Variants in HMGCS1 observed in about 807,000 individuals in gnomAD.
HMGCS1 encodes 3-hydroxy-3-methylglutaryl-CoA synthase 1.
A neutral mutation model predicts 52.3 loss-of-function variants in HMGCS1; 9 were observed. The ratio of observed to expected loss-of-function variants is 0.17; its 90% CI spans 0.10 to 0.30. The LOEUF (loss-of-function observed/expected upper bound fraction) is 0.30. HMGCS1 is among the 10% of genes least tolerant of loss of function. The pLI is 1.00. For synonymous variants in HMGCS1, 176 were observed against 214.4 expected, an observed-to-expected ratio of 0.82 and a Z score of 1.57; for missense variants, 320 against 620.9, an observed-to-expected ratio of 0.52 and a Z score of 5.15.
At chr5:43,294,645 T>C (rs1208863235) in intron 7 of HMGCS1, 46 bp downstream of exon 7, 1 of 1,403,080 alleles carries the variant, frequency 7.1e-7, no homozygotes, top group East Asian at 2.4e-5. Context: ...AAATCTAACA[T>C]CTCCCAAATA....
At chr5:43,310,215 C>T (rs1754792337) in intron 1 of HMGCS1, among the ~76,000 whole-genome samples, 1 of 152,208 alleles carries the variant, frequency 6.6e-6, no homozygotes, top group African/African-American at 2.4e-5. Flanking sequence ...ACATCCCTGC[C>T]TCCTCCCAGA....
intron 4 of HMGCS1, 27 bp from the exon 5 acceptor site, chr5:43,297,193 T>A: frequency 6.3e-7 from 1 of 1,584,716 alleles, no homozygotes; most frequent in Non-Finnish European, 8.6e-7. Context: ...GGAAGATGTC[T>A]ATATATTTCT....
At chr5:43,307,067 ATTTTT>A (rs59297862) in intron 2 of HMGCS1, among the ~76,000 whole-genome samples, 1 of 123,692 alleles carries the variant, frequency 8.1e-6, no homozygotes. Flanking sequence ...TTCTCACATA[ATTTTT>A]TTTTTTTTTT....
chr5:43,306,969 G>A (rs1310011158), intron 2 of HMGCS1, among the ~76,000 whole-genome samples: 2 of 151,750 alleles, frequency 1.3e-5, no homozygotes, highest in Non-Finnish European at 2.9e-5. Flanking sequence ...AAGCAGAATT[G>A]TAAGAGAAGC....
At chr5:43,300,563 G>A (rs1754262239) in intron 2 of HMGCS1, among the ~76,000 whole-genome samples, 1 of 152,100 alleles carries the variant, frequency 6.6e-6, no homozygotes, top group Non-Finnish European at 1.5e-5. Flanking sequence ...GCTGAGGCAG[G>A]AGGATCACTT....
intron 2 of HMGCS1, 41 bp from the exon 3 acceptor site, chr5:43,299,016 T>A (rs766774320): frequency 1.4e-6 from 2 of 1,451,268 alleles, no homozygotes; most frequent in Admixed American, 2.2e-5. Flanking sequence ...TTTTAGGTTA[T>A]AAGTTGCTGG....
rs934372362 is a variant in HMGCS1, at chr5:43,298,372, CAG to C, written c.448+144_448+145del. 1.5e-6 allele frequency: 1 copy of C among 685,118 alleles called. No homozygotes were observed. Among genetic ancestry groups the C allele is most frequent in the African/African-American group, 1.8e-5 (1 of 55,300 alleles). 42.4% of individuals were successfully genotyped at this position (685,118 alleles called of 1,614,324 possible). ...AACCAATTCACAATTCGGATAATGA[CAG>C]ACAGGTAAAATATCTTTCTTAATAT... On this transcript the variant is annotated intron_variant, in intron 3 of 10. Coordinates refer to ENST00000325110, the MANE Select transcript of HMGCS1 (RefSeq NM_001098272.3). The surrounding 1 kb of genome is among the most constrained non-coding windows in gnomAD (Gnocchi z 5.6).
intron 6 of HMGCS1, 29 bp from the exon 7 acceptor site, chr5:43,294,890 TGTTTAAA>T (rs778345913): frequency 2.7e-6 from 4 of 1,473,736 alleles, no homozygotes; most frequent in Non-Finnish European, 3.7e-6. Flanking sequence ...AGTTTTACAG[TGTTTAAA>T]GCCTATGTTT....
In HMGCS1 at chr5:43,294,809, T is replaced by C; in HGVS notation, c.958A>G (p.Met320Val). 2 of 1,611,814 alleles carry C rather than the reference T, an allele frequency of 1.2e-6. No individual in the cohort carries two copies. Among genetic ancestry groups the C allele is most frequent in the African/African-American group, 2.7e-5 (2 of 75,004 alleles). The stretch of plus-strand genomic sequence containing the variant: ...CTGAAGAGTTCAGAGCTAGCCTTCA[T>C]AAATGCCTTCTCCACATCTCTATCA... ...YFDRDVEKAF[M>V]KASSELFSQK... The change falls in exon 7 of 11, where the codon ATG (methionine) becomes GTG (valine). Residue 320 changes from methionine to valine, a missense_variant. Met to Val is a conservative substitution (Grantham distance 21, BLOSUM62 1). This residue lies in a region of HMGCS1 where 213 missense variants were observed against 337.4 expected (regional missense o/e 0.63). Coordinates refer to ENST00000325110, the MANE Select transcript of HMGCS1 (RefSeq NM_001098272.3).
rs368616120 is a variant in HMGCS1 at position 43,298,514 on chromosome 5, A to G, written c.448+4T>C. The G allele has an allele frequency of 6.2e-7, 1 of 1,608,476 alleles. No homozygotes were observed. The highest frequency in any genetic ancestry group is 8.5e-7 in the Non-Finnish European group (1 of 1,175,734). On this transcript the variant is annotated splice_donor_region_variant and intron_variant, in intron 3 of 10. Coordinates refer to ENST00000325110, the MANE Select transcript of HMGCS1 (RefSeq NM_001098272.3). The surrounding 1 kb of genome is among the most constrained non-coding windows in gnomAD (Gnocchi z 5.6). The stretch of plus-strand genomic sequence containing the variant: ...GGACGGCGGGGAATAGGCATGTAAC[A>G]TACCATCCCAAGAGCTGGACTCAAT...
At chr5:43,310,945 C>A (rs977028198) in intron 1 of HMGCS1, among the ~76,000 whole-genome samples, 1 of 152,166 alleles carries the variant, frequency 6.6e-6, no homozygotes, top group Non-Finnish European at 1.5e-5. Context: ...CAAAGATTAG[C>A]CTCTCCGCTA....
At chr5:43,292,428 G>C in intron 10 of HMGCS1, 46 bp downstream of exon 10, 1 of 1,507,700 alleles carries the variant, frequency 6.6e-7, no homozygotes, top group Non-Finnish European at 9.2e-7. Flanking sequence ...ATCCCAGTTA[G>C]GTCTCCTAAA....
At chr5:43,293,167 T>C (rs1054243306) in intron 8 of HMGCS1, among the ~76,000 whole-genome samples, 194 bp from the exon 9 acceptor site, 1 of 152,224 alleles carries the variant, frequency 6.6e-6, no homozygotes, top group Non-Finnish European at 1.5e-5. Context: ...AAATCTATTA[T>C]TGAGTATCTG....
rs1443924348 is a variant in HMGCS1, at chr5:43,292,756, G to A, written c.1309+92C>T. 1.3e-5 allele frequency: 19 copies of A among 1,517,044 alleles called. No homozygotes were observed. In the African/African-American group the frequency reaches 2.5e-4, roughly 20 times the overall value. The allele number at this position is 1,517,044 out of a possible 1,614,324, so 94.0% of individuals were successfully genotyped here. ...TTCACTGACATCAGATTAGTACTGAGTAAAGTCTTGATATCCTTATCGTAT... is the reference window on the plus strand; with the variant it reads ...TTCACTGACATCAGATTAGTACTGAATAAAGTCTTGATATCCTTATCGTAT... On this transcript the variant is annotated intron_variant, in intron 9 of 10. Transcript: ENST00000325110.
rs1579635363 is a variant in HMGCS1, at chr5:43,292,972, C to G, written c.1185G>C (p.Gly395=). Reference sequence around the variant, plus strand: ...TTGCTGTTATTTTATCAAGAGCAGACCCTAAAATAGTGAATAATTCAACAT... The same window carrying G: ...TTGCTGTTATTTTATCAAGAGCAGAGCCTAAAATAGTGAATAATTCAACAT... ...SLKVTQDATP[G]SALDKITASL... is the part of the protein sequence containing the mutation. Residue 395 remains glycine, a splice_region_variant and synonymous_variant, in exon 9 of 11, where the codon GGG becomes GGC. Coordinates refer to ENST00000325110, the MANE Select transcript of HMGCS1 (RefSeq NM_001098272.3). 6.3e-7 allele frequency: 1 copy of G among 1,584,674 alleles called. No individual in the cohort carries two copies. Among genetic ancestry groups the G allele is most frequent in the Non-Finnish European group, 8.5e-7 (1 of 1,170,492 alleles).
Position 43,298,425 on chromosome 5 carries a change from G to T in HMGCS1, c.448+93C>A. ...ATCCAAACAAGGACAAATTACAAAA[G>T]TTTGCGTATTGCATTAATTAAAGTG... On this transcript the variant is annotated intron_variant, in intron 3 of 10. Coordinates refer to ENST00000325110, the MANE Select transcript of HMGCS1 (RefSeq NM_001098272.3). This position sits in a 1 kb window ranked among gnomAD's most constrained non-coding sequence, Gnocchi z 5.6. 2.2e-6 allele frequency: 2 copies of T among 895,144 alleles called. No individual in the cohort carries two copies. Among genetic ancestry groups the T allele is most frequent in the Non-Finnish European group, 3.5e-6 (2 of 575,856 alleles). The allele number at this position is 895,144 out of a possible 1,614,324, so 55.5% of individuals were successfully genotyped here. A position where few individuals can be genotyped will look rare whatever the true frequency, so the allele number is the denominator to read the frequency against.
chr5:43,312,976 G>C (rs1030003867), intron 1 of HMGCS1: 2 of 153,246 alleles, frequency 1.3e-5, no homozygotes, highest in East Asian at 1.9e-4. Flanking sequence ...GAAACGCCTT[G>C]GTAGCCCAAC....
intron 10 of HMGCS1, 63 bp from the exon 11 acceptor site, chr5:43,291,283 C>T: frequency 1.0e-6 from 1 of 988,492 alleles, no homozygotes; most frequent in East Asian, 2.4e-5. Flanking sequence ...AATCATGGCA[C>T]CAATTAAAGT....
Position 43,290,094 on chromosome 5 carries a change from A to C in HMGCS1, c.*1037T>G, listed in dbSNP as rs1753674801. 7.2e-6 allele frequency: 1 copy of C among 139,134 alleles called. No homozygotes were observed. Among genetic ancestry groups the C allele is most frequent in the African/African-American group, 2.9e-5 (1 of 35,060 alleles). 8.6% of individuals were successfully genotyped at this position (139,134 alleles called of 1,614,324 possible). A position where few individuals can be genotyped will look rare whatever the true frequency, so the allele number is the denominator to read the frequency against. On this transcript the variant is annotated 3_prime_UTR_variant, in exon 11 of 11. Coordinates refer to ENST00000325110, the MANE Select transcript of HMGCS1 (RefSeq NM_001098272.3). The stretch of plus-strand genomic sequence containing the variant: ...CCTTATTTTCATTGAACAGATACCA[A>C]AAAAAAAAAAAAAAGGAAAAGGAAA...
Sources: gnomAD v4.1 joint callset for allele counts (sites outside exome capture counted in the v4.1 genomes callset) on GRCh38, gnomAD v4.1.1 for gene constraint, gnomAD v4.1.1 regional missense constraint, Gnocchi (gnomAD v3.1) non-coding constraint, MANE v1.5 for transcripts, NCBI Gene and HGNC (gene_info 2026-07-23, HGNC 2026-07-21) for gene names.